Variants in GALNTL6 observed in about 807,000 individuals in gnomAD.
GALNTL6 encodes the protein polypeptide N-acetylgalactosaminyltransferase-like 6.
GALNTL6 carries 46 observed loss-of-function variants against 73.7 expected under a neutral mutation model. That is an observed-to-expected ratio of 0.62 (90% CI 0.49 to 0.80). The LOEUF (loss-of-function observed/expected upper bound fraction) is 0.80. Among genes scored for constraint, GALNTL6 ranks in the 30% least tolerant of loss-of-function variants. GALNTL6 has a pLI of 0.00. For synonymous variants in GALNTL6, 259 were observed against 263.7 expected (o/e 0.98, Z 0.17); for missense variants, 604 against 755.0 (o/e 0.80, Z 2.34).
intron 5 of GALNTL6, among the ~76,000 whole-genome samples, chr4:172,522,854 C>G (rs1038166484): frequency 2.0e-5 from 3 of 152,056 alleles, no homozygotes; most frequent in African/African-American, 4.8e-5. Context: ...AAATTTTGTT[C>G]TGTGTGCAAC....
rs370013139 is a variant in GALNTL6 at position 172,652,706 on chromosome 4, T to A, written c.554-156655T>A. Among the ~76,000 whole-genome samples, 9 of 152,312 alleles carry A rather than the reference T, an allele frequency of 5.9e-5. No individual in the cohort carries two copies. In the East Asian group the frequency reaches 1.5e-3, roughly 26 times the overall value. ...TTCCTTATAATCTGGGTAAATATTG[T>A]CTCCTACTTTCTGAAATGGGTATTG... On this transcript the variant is annotated intron_variant, in intron 5 of 12. Coordinates refer to ENST00000506823, the MANE Select transcript of GALNTL6 (RefSeq NM_001034845.3).
intron 2 of GALNTL6, among the ~76,000 whole-genome samples, chr4:171,908,156 A>C (rs549867353): frequency 6.6e-6 from 1 of 152,232 alleles, no homozygotes; most frequent in Non-Finnish European, 1.5e-5. Flanking sequence ...GGATCTAATT[A>C]AACTAAAGAG....
intron 5 of GALNTL6, among the ~76,000 whole-genome samples, chr4:172,776,741 G>A (rs1365448166): frequency 6.6e-6 from 1 of 152,154 alleles, no homozygotes; most frequent in Non-Finnish European, 1.5e-5. Flanking sequence ...ACTCAACTGT[G>A]CTTGGTCATG....
intron 2 of GALNTL6, among the ~76,000 whole-genome samples, chr4:171,894,226 C>T (rs1032778652): frequency 6.6e-5 from 10 of 152,196 alleles, no homozygotes; most frequent in Non-Finnish European, 1.3e-4. Flanking sequence ...CTGTGATTTA[C>T]ATTACCATGT....
intron 3 of GALNTL6, among the ~76,000 whole-genome samples, chr4:172,298,071 C>T (rs192694753): frequency 6.6e-6 from 1 of 152,102 alleles, no homozygotes; most frequent in Non-Finnish European, 1.5e-5. Context: ...TCCTTCACAT[C>T]CCTTGTAAGT....
Position 173,000,691 on chromosome 4 carries a change from A to G in GALNTL6, c.1372-8487A>G, listed in dbSNP as rs35861036. Among the ~76,000 whole-genome samples, 1,449 of 152,344 alleles carry G rather than the reference A, an allele frequency of 9.5e-3. 9 individuals carry two copies. Among genetic ancestry groups the G allele is most frequent in the Non-Finnish European group, 0.017 (1,154 of 68,018 alleles). On this transcript the variant is annotated intron_variant, in intron 10 of 12. Coordinates refer to ENST00000506823, the MANE Select transcript of GALNTL6 (RefSeq NM_001034845.3). ...TACAGTAATCCAAAAAATGTGTGGT[A>G]CAGGCATAAAGATAGACATATAGAC...
chr4:172,291,538 G>C (rs1331645113), intron 3 of GALNTL6, among the ~76,000 whole-genome samples: 3 of 151,978 alleles, frequency 2.0e-5, no homozygotes, highest in Admixed American at 6.6e-5. Flanking sequence ...AGTTAGCTCA[G>C]TTTCTCTCAA....
chr4:171,954,378 A>C (rs1738981844), intron 2 of GALNTL6, among the ~76,000 whole-genome samples: 1 of 152,194 alleles, frequency 6.6e-6, no homozygotes, highest in Admixed American at 6.5e-5. Context: ...TAAGAAAATG[A>C]GGACTAGCTT....
chr4:172,577,289 A>G (rs925361097), intron 5 of GALNTL6, among the ~76,000 whole-genome samples: 35 of 152,210 alleles, frequency 2.3e-4, no homozygotes, highest in Admixed American at 1.8e-3. Context: ...CTGAGAATAC[A>G]TTAATGAGTC....
intron 3 of GALNTL6, among the ~76,000 whole-genome samples, chr4:172,261,005 T>C (rs1254088333): frequency 1.3e-5 from 2 of 151,590 alleles, no homozygotes; most frequent in Non-Finnish European, 3.0e-5. Flanking sequence ...TTTGGTTAGC[T>C]AATAGCTGGT....
At chr4:172,481,167 G>A (rs1328407323) in intron 5 of GALNTL6, among the ~76,000 whole-genome samples, 1 of 152,036 alleles carries the variant, frequency 6.6e-6, no homozygotes, top group South Asian at 2.1e-4. Flanking sequence ...CTGGCTTCAG[G>A]AGTGAAGCTG....
rs376471145 is a variant in GALNTL6, at chr4:172,172,822, A to G, written c.139-56834A>G. 5.9e-5 allele frequency among the ~76,000 whole-genome samples: 9 copies of G among 152,310 alleles called. No individual in the cohort carries two copies. In the East Asian group the frequency reaches 1.7e-3, roughly 29 times the overall value. On this transcript the variant is annotated intron_variant, in intron 2 of 12. Coordinates refer to ENST00000506823, the MANE Select transcript of GALNTL6 (RefSeq NM_001034845.3). ...GACTACCCTGTCTGAGTACCCATTTACAGATCCTCCTGAATCTAAATGCAA... is the reference window on the plus strand; with the variant it reads ...GACTACCCTGTCTGAGTACCCATTTGCAGATCCTCCTGAATCTAAATGCAA...
chr4:172,577,489 G>T (rs905620324), intron 5 of GALNTL6, among the ~76,000 whole-genome samples: 1 of 152,004 alleles, frequency 6.6e-6, no homozygotes, highest in African/African-American at 2.4e-5. Flanking sequence ...AACTAAGAAC[G>T]CCCCACAGGT....
At chr4:172,602,595 A>G (rs1449997032) in intron 5 of GALNTL6, among the ~76,000 whole-genome samples, 1 of 152,184 alleles carries the variant, frequency 6.6e-6, no homozygotes, top group East Asian at 1.9e-4. Context: ...TGCTCAGTTA[A>G]TCCAAAAGAA....
chr4:172,935,314 CATA>C (rs1424327724), intron 9 of GALNTL6, among the ~76,000 whole-genome samples: 7 of 152,166 alleles, frequency 4.6e-5, no homozygotes, highest in African/African-American at 1.7e-4. Context: ...TCACCTCTGA[CATA>C]GTATCAGTAA....
At chr4:171,846,777 G>A (rs549306885) in intron 2 of GALNTL6, among the ~76,000 whole-genome samples, 1 of 146,616 alleles carries the variant, frequency 6.8e-6, no homozygotes, top group South Asian at 2.1e-4. Context: ...TATATCTATA[G>A]ATATATAGAA....
chr4:172,017,857 C>A (rs1391762300), intron 2 of GALNTL6, among the ~76,000 whole-genome samples: 1 of 151,486 alleles, frequency 6.6e-6, no homozygotes, highest in African/African-American at 2.4e-5. Context: ...TGTGATGGGA[C>A]CCATTTCAAG....
rs1739345820 is a variant in GALNTL6, at chr4:172,630,474, T to G, written c.554-178887T>G. On this transcript the variant is annotated intron_variant, in intron 5 of 12. Coordinates refer to ENST00000506823, the MANE Select transcript of GALNTL6 (RefSeq NM_001034845.3). ...CAGGGCAGTATCGGCAAGCTGATAA[T>G]GCACCTGCATCTCTACCAATCACAT... Among the ~76,000 whole-genome samples, 3 of 152,156 alleles carry G rather than the reference T, an allele frequency of 2.0e-5. No individual in the cohort carries two copies. In the South Asian group the frequency reaches 6.2e-4, roughly 32 times the overall value.
At chr4:171,986,014 A>C (rs978051416) in intron 2 of GALNTL6, among the ~76,000 whole-genome samples, 3 of 115,906 alleles carry the variant, frequency 2.6e-5, no homozygotes, top group Non-Finnish European at 4.9e-5. Flanking sequence ...CTCCAGCCTG[A>C]GTGACAGAGC....
Sources: allele counts gnomAD v4.1 joint callset (sites outside exome capture counted in the v4.1 genomes callset), GRCh38; gene constraint gnomAD v4.1.1; transcripts MANE v1.5; gene names NCBI Gene and HGNC (gene_info 2026-07-23, HGNC 2026-07-21).